Variants in RETREG3 observed in about 807,000 individuals in gnomAD.
RETREG3 encodes the protein reticulophagy regulator family member 3.
RETREG3 carries 23 observed loss-of-function variants against 50.2 expected under a neutral mutation model. That is an observed-to-expected ratio of 0.46 (90% CI 0.33 to 0.65). The LOEUF (loss-of-function observed/expected upper bound fraction) is 0.65, where lower values mean the gene tolerates loss of function less well. Ranked by LOEUF, RETREG3 falls within the 30% of genes least tolerant of loss-of-function variation. The pLI is 0.02. For synonymous variants in RETREG3, 240 were observed against 234.4 expected, an observed-to-expected ratio of 1.02 and a Z score of -0.22; for missense variants, 546 against 598.0, an observed-to-expected ratio of 0.91 and a Z score of 0.91.
Position 42,586,897 on chromosome 17 carries a change from GGAGA to G in RETREG3, c.378-10_378-7del. ...GAGGGTGCACAAAGCCCCAGCTATG[GGAGA>G]GAGAAGGGGGAGCTGTGAAAGGAGG... is the stretch of plus-strand genomic sequence containing the variant. On this transcript the variant is annotated splice_polypyrimidine_tract_variant and splice_region_variant and intron_variant, in intron 3 of 8. Coordinates refer to ENST00000309428, the MANE Select transcript of RETREG3 (RefSeq NM_178126.4). The G allele has an allele frequency of 6.2e-7, 1 of 1,613,324 alleles. No individual in the cohort carries two copies. Among genetic ancestry groups the G allele is most frequent in the Non-Finnish European group, 8.5e-7 (1 of 1,179,770 alleles).
rs571309503 is a variant in RETREG3, at chr17:42,591,538, T to G, written c.346+518A>C. On this transcript the variant is annotated intron_variant, in intron 2 of 8. Transcript: ENST00000309428. ...TGTATTTTTATTAGACGGGGTTTCA[T>G]CATGTTGGCCAGGCTGGGCTCGAAC... Among the ~76,000 whole-genome samples the G allele has an allele frequency of 2.5e-3, 380 of 152,140 alleles. 2 individuals are homozygous for G. Among genetic ancestry groups the G allele is most frequent in the African/African-American group, 8.7e-3 (363 of 41,524 alleles).
chr17:42,590,215 T>G (rs1319467066), intron 2 of RETREG3, among the ~76,000 whole-genome samples: 7 of 151,562 alleles, frequency 4.6e-5, no homozygotes, highest in African/African-American at 7.3e-5. Context: ...AAAAAAATTT[T>G]TTTTACTTAG....
intron 1 of RETREG3, among the ~76,000 whole-genome samples, chr17:42,601,190 C>G (rs940716209): frequency 2.6e-5 from 4 of 151,276 alleles, no homozygotes; most frequent in Admixed American, 2.0e-4. Context: ...GGCAGGAGAA[C>G]TGCTTGAATC....
intron 1 of RETREG3, among the ~76,000 whole-genome samples, chr17:42,597,700 C>T (rs1336593544): frequency 7.3e-6 from 1 of 137,296 alleles, no homozygotes; most frequent in Non-Finnish European, 1.5e-5. Context: ...CACAGATCTC[C>T]ACTCACTTCA....
intron 2 of RETREG3, among the ~76,000 whole-genome samples, chr17:42,590,147 C>T (rs557902497): frequency 6.6e-6 from 1 of 152,102 alleles, no homozygotes; most frequent in South Asian, 2.1e-4. Context: ...GAGGTTGCAG[C>T]GAGCCAAGAT....
intron 3 of RETREG3, 75 bp downstream of exon 3, chr17:42,587,759 T>G (rs1490867815): frequency 6.4e-7 from 1 of 1,573,808 alleles, no homozygotes; most frequent in Non-Finnish European, 8.7e-7. Context: ...GAACATGGGG[T>G]TAACAACATG....
intron 1 of RETREG3, among the ~76,000 whole-genome samples, chr17:42,596,208 A>T (rs909967714): frequency 1.9e-4 from 27 of 140,156 alleles, no homozygotes; most frequent in East Asian, 6.2e-4. Flanking sequence ...GTCTCTATTT[A>T]AAAAAAAAAA....
intron 4 of RETREG3, chr17:42,586,522 T>C: frequency 2.3e-6 from 1 of 436,670 alleles, no homozygotes; most frequent in Admixed American, 4.0e-5. Flanking sequence ...AAGCTTTCTT[T>C]CCTATCTTGA....
At chr17:42,585,054 T>A in intron 6 of RETREG3, 71 bp downstream of exon 6, 1 of 1,574,282 alleles carries the variant, frequency 6.4e-7, no homozygotes, top group Non-Finnish European at 8.6e-7. Context: ...CCACCCAGTA[T>A]GTCAGACCTA....
chr17:42,597,545 C>T (rs1308300053), intron 1 of RETREG3, among the ~76,000 whole-genome samples: 8 of 87,630 alleles, frequency 9.1e-5, no homozygotes, highest in Admixed American at 2.8e-4. Context: ...ATATATATTT[C>T]GTATATATAT....
intron 1 of RETREG3, among the ~76,000 whole-genome samples, chr17:42,594,001 G>A (rs886679790): frequency 1.3e-5 from 2 of 151,988 alleles, no homozygotes; most frequent in Admixed American, 1.3e-4. Flanking sequence ...GACAAGCCTC[G>A]GCAACATGGG....
intron 2 of RETREG3, among the ~76,000 whole-genome samples, chr17:42,589,237 G>A (rs1218017257): frequency 6.6e-6 from 1 of 152,152 alleles, no homozygotes; most frequent in Non-Finnish European, 1.5e-5. Context: ...TGATGGGCAT[G>A]TATTTAAAAC....
chr17:42,597,375 G>A (rs1208710391), intron 1 of RETREG3, among the ~76,000 whole-genome samples: 1 of 149,170 alleles, frequency 6.7e-6, no homozygotes, highest in Non-Finnish European at 1.5e-5. Context: ...TTTTAGTAGA[G>A]ACGGGGTTGC....
chr17:42,591,525 A>G (rs1375409549), intron 2 of RETREG3, among the ~76,000 whole-genome samples: 1 of 151,982 alleles, frequency 6.6e-6, no homozygotes, highest in Non-Finnish European at 1.5e-5. Flanking sequence ...TATTTTTATT[A>G]GACGGGGTTT....
intron 1 of RETREG3, 166 bp downstream of exon 1, chr17:42,608,920 G>T: frequency 1.5e-6 from 1 of 657,702 alleles, no homozygotes; most frequent in Non-Finnish European, 2.6e-6. Flanking sequence ...AAGAACTAGG[G>T]TGCCGAAGCC....
intron 1 of RETREG3, among the ~76,000 whole-genome samples, chr17:42,593,840 A>C (rs2093138159): frequency 6.6e-6 from 1 of 152,062 alleles, no homozygotes. Flanking sequence ...TAAATGCTAC[A>C]CTCTGGGTCA....
At chr17:42,595,048 C>T (rs2093141345) in intron 1 of RETREG3, among the ~76,000 whole-genome samples, 1 of 145,488 alleles carries the variant, frequency 6.9e-6, no homozygotes, top group Non-Finnish European at 1.5e-5. Flanking sequence ...CTCACTGCAA[C>T]CTCCACCTTC....
At position 42,581,922 on chromosome 17, in the gene RETREG3, A is replaced by AG; in HGVS notation, c.1291dup (p.Leu431ProfsTer11). On this transcript the variant is annotated frameshift_variant, in exon 9 of 9. Transcript: ENST00000309428. LOFTEE classifies it high-confidence loss of function. ...GTCCAGGTCTGAACTGGGGGACCGG[A>AG]GGAAGCCTCTCGTTGCTCTCTGGGC... The AG allele has an allele frequency of 6.2e-7, 1 of 1,614,108 alleles. No individual in the cohort carries two copies. Among genetic ancestry groups the AG allele is most frequent in the South Asian group, 1.1e-5 (1 of 91,078 alleles).
At chr17:42,584,818 A>G (rs1261823100) in intron 6 of RETREG3, among the ~76,000 whole-genome samples, 1 of 35,502 alleles carries the variant, frequency 2.8e-5, no homozygotes, top group Admixed American at 2.3e-4. Flanking sequence ...CCTGTCTCAA[A>G]AAAAAAAAAA....
Sources: gnomAD v4.1 joint callset for allele counts (sites outside exome capture counted in the v4.1 genomes callset) on GRCh38, gnomAD v4.1.1 for gene constraint, MANE v1.5 for transcripts, NCBI Gene and HGNC (gene_info 2026-07-23, HGNC 2026-07-21) for gene names.